Variants in SPATA17 observed in about 807,000 individuals in gnomAD.
SPATA17 encodes spermatogenesis associated 17.
A neutral mutation model predicts 62.2 loss-of-function variants in SPATA17; 53 were observed. The ratio of observed to expected loss-of-function variants is 0.85; its 90% CI spans 0.68 to 1.07. SPATA17 has a LOEUF of 1.07. Among genes scored for constraint, SPATA17 ranks in the 50% least tolerant of loss-of-function variants. The pLI is 0.00. For missense variants in SPATA17, 466 were observed against 425.5 expected (o/e 1.10, Z -0.84); for synonymous variants, 146 against 146.8 (o/e 0.99, Z 0.04).
chr1:217,839,672 G>A (rs994324345), intron 9 of SPATA17, among the ~76,000 whole-genome samples: 1 of 151,478 alleles, frequency 6.6e-6, no homozygotes, highest in African/African-American at 2.4e-5. Flanking sequence ...TTTCAATCTT[G>A]CTAAAGGTAG....
intron 9 of SPATA17, among the ~76,000 whole-genome samples, chr1:217,802,158 ACT>A (rs2102987977): frequency 6.6e-6 from 1 of 152,034 alleles, no homozygotes; most frequent in East Asian, 1.9e-4. Flanking sequence ...AGTTAAGCTA[ACT>A]CTCAGGCATG....
At chr1:217,840,726 G>T (rs1012449131) in intron 9 of SPATA17, among the ~76,000 whole-genome samples, 8 of 151,948 alleles carry the variant, frequency 5.3e-5, no homozygotes, top group African/African-American at 1.9e-4. Flanking sequence ...GAGTGTGGTG[G>T]GGTGCACCTG....
At chr1:217,793,307 G>A (rs1047139065) in intron 8 of SPATA17, among the ~76,000 whole-genome samples, 15 of 136,088 alleles carry the variant, frequency 1.1e-4, no homozygotes, top group Non-Finnish European at 2.3e-4. Flanking sequence ...TGCAAGCTCC[G>A]CCTTCCGGGT....
chr1:217,715,232 G>A (rs923602221), intron 5 of SPATA17, among the ~76,000 whole-genome samples: 4 of 152,068 alleles, frequency 2.6e-5, no homozygotes, highest in Admixed American at 1.3e-4. Flanking sequence ...AATCTTCACC[G>A]TATTAACAGA....
chr1:217,670,993 T>A (rs1207487129), intron 4 of SPATA17, among the ~76,000 whole-genome samples: 2 of 151,356 alleles, frequency 1.3e-5, no homozygotes, highest in Non-Finnish European at 2.9e-5. Flanking sequence ...CACCCTTTTC[T>A]GTTTTAGAAA....
intron 5 of SPATA17, among the ~76,000 whole-genome samples, chr1:217,704,407 C>T (rs1571744767): frequency 6.6e-6 from 1 of 150,492 alleles, no homozygotes; most frequent in South Asian, 2.1e-4. Flanking sequence ...CCCGCCACCG[C>T]GCCCGGCTAA....
At chr1:217,717,551 C>T (rs373513030) in intron 5 of SPATA17, among the ~76,000 whole-genome samples, 4 of 151,996 alleles carry the variant, frequency 2.6e-5, no homozygotes, top group East Asian at 1.9e-4. Flanking sequence ...GCAGAGGTTG[C>T]GGTGTTCTGA....
chr1:217,704,542 G>A (rs1380232984), intron 5 of SPATA17, among the ~76,000 whole-genome samples: 2 of 151,938 alleles, frequency 1.3e-5, no homozygotes, highest in East Asian at 2.0e-4. Flanking sequence ...GAGCCACCGC[G>A]CCCGGCCCTT....
At chr1:217,661,555 T>C (rs2102891251) in intron 3 of SPATA17, among the ~76,000 whole-genome samples, 1 of 152,250 alleles carries the variant, frequency 6.6e-6, no homozygotes. Context: ...AGTCTTGTTT[T>C]GTGATTTGTT....
chr1:217,682,199 T>C (rs1671100450), intron 4 of SPATA17, among the ~76,000 whole-genome samples: 1 of 152,088 alleles, frequency 6.6e-6, no homozygotes, highest in Admixed American at 6.6e-5. Flanking sequence ...TATTATTTTG[T>C]TTGAGTTTTT....
chr1:217,718,604 C>T (rs1318890997), intron 5 of SPATA17, among the ~76,000 whole-genome samples: 1 of 151,922 alleles, frequency 6.6e-6, no homozygotes, highest in Non-Finnish European at 1.5e-5. Flanking sequence ...AAGAGTATTC[C>T]TACAAAGTAT....
intron 9 of SPATA17, among the ~76,000 whole-genome samples, chr1:217,847,922 T>C (rs1387828962): frequency 1.3e-5 from 2 of 152,110 alleles, no homozygotes; most frequent in East Asian, 3.9e-4. Context: ...GTCCTAGCTA[T>C]GTGGGAGGCC....
chr1:217,763,309 G>A (rs1673216577), intron 6 of SPATA17, among the ~76,000 whole-genome samples: 1 of 152,142 alleles, frequency 6.6e-6, no homozygotes, highest in African/African-American at 2.4e-5. Flanking sequence ...TAGAATGTGT[G>A]TGGGTCATGA....
chr1:217,678,137 G>C (rs191225832), intron 4 of SPATA17, among the ~76,000 whole-genome samples: 1 of 151,246 alleles, frequency 6.6e-6, no homozygotes, highest in East Asian at 2.0e-4. Flanking sequence ...TATACATTTA[G>C]AGCATGAGTA....
chr1:217,631,501 G>A (rs1669772257), intron 1 of SPATA17, 55 bp downstream of exon 1: 1 of 1,576,448 alleles, frequency 6.3e-7, no homozygotes, highest in African/African-American at 1.3e-5. Flanking sequence ...TATACCAGTT[G>A]TTCCTCAGCG....
chr1:217,688,228 C>G (rs1230469726), intron 5 of SPATA17, among the ~76,000 whole-genome samples: 2 of 152,044 alleles, frequency 1.3e-5, no homozygotes, highest in African/African-American at 4.8e-5. Context: ...CAGAGTGAGA[C>G]TCTTTCTCTA....
chr1:217,786,434 A>G (rs1006826271), intron 8 of SPATA17, among the ~76,000 whole-genome samples: 3 of 152,160 alleles, frequency 2.0e-5, no homozygotes, highest in African/African-American at 7.2e-5. Flanking sequence ...TGTGAAAAGG[A>G]AAACGATGGT....
intron 4 of SPATA17, among the ~76,000 whole-genome samples, chr1:217,678,648 G>C (rs1289250833): frequency 6.6e-6 from 1 of 152,098 alleles, no homozygotes; most frequent in Admixed American, 6.6e-5. Context: ...ATATATCAAG[G>C]TTTTGCCATT....
chr1:217,635,137 A>G (rs1669907982), intron 1 of SPATA17, among the ~76,000 whole-genome samples: 1 of 152,206 alleles, frequency 6.6e-6, no homozygotes, highest in South Asian at 2.1e-4. Flanking sequence ...AATAGGAATA[A>G]GTTAGAATGT....
Sources: gnomAD v4.1 joint callset for allele counts (sites outside exome capture counted in the v4.1 genomes callset) on GRCh38, gnomAD v4.1.1 for gene constraint, MANE v1.5 for transcripts, NCBI Gene and HGNC (gene_info 2026-07-23, HGNC 2026-07-21) for gene names.